CTNND2: variants seen among roughly 807,000 people sequenced by gnomAD.
The protein encoded by CTNND2 is catenin delta 2.
Under a neutral mutation model 144.4 loss-of-function variants are expected in CTNND2, and 22 were observed. The observed-to-expected ratio is 0.15, with a 90% CI of 0.11 to 0.22. The LOEUF (loss-of-function observed/expected upper bound fraction) is 0.22. Among genes scored for constraint, CTNND2 ranks in the 10% least tolerant of loss-of-function variants. CTNND2 has a pLI of 1.00. For missense variants in CTNND2, 1,353 were observed against 1,618.8 expected (o/e 0.84, Z 2.82); for synonymous variants, 751 against 695.6 (o/e 1.08, Z -1.25).
At chr5:11,448,846 T>C in intron 3 of CTNND2, among the ~76,000 whole-genome samples, 1 of 152,094 alleles carries the variant, frequency 6.6e-6, no homozygotes, top group Middle Eastern at 3.4e-3. Flanking sequence ...TTGTGTTTTT[T>C]TTTGCTTGTT....
At chr5:11,218,446 TA>T (rs758535765) in intron 10 of CTNND2, among the ~76,000 whole-genome samples, 109 of 152,304 alleles carry the variant, frequency 7.2e-4, no homozygotes, top group African/African-American at 2.6e-3. Flanking sequence ...GATCCCTACA[TA>T]AAAGTTTTGG....
intron 3 of CTNND2, among the ~76,000 whole-genome samples, chr5:11,484,112 C>A (rs1349202164): frequency 6.6e-6 from 1 of 152,216 alleles, no homozygotes; most frequent in Admixed American, 6.5e-5. Flanking sequence ...GGCCACTCCA[C>A]ATTGCACAAA....
At chr5:11,301,699 T>C (rs1465203) in intron 9 of CTNND2, among the ~76,000 whole-genome samples, 6,896 of 152,242 alleles carry the variant, frequency 0.045, 257 homozygotes, top group Admixed American at 0.083. Flanking sequence ...AGACAGGGAA[T>C]GGGTGAAAAC....
intron 3 of CTNND2, among the ~76,000 whole-genome samples, chr5:11,544,004 CA>C (rs2150073445): frequency 6.6e-6 from 1 of 152,212 alleles, no homozygotes; most frequent in African/African-American, 2.4e-5. Flanking sequence ...CCTCAGTGAG[CA>C]GGCTGTCATT....
At chr5:11,541,291 G>A (rs1774710883) in intron 3 of CTNND2, among the ~76,000 whole-genome samples, 1 of 152,180 alleles carries the variant, frequency 6.6e-6, no homozygotes, top group African/African-American at 2.4e-5. Context: ...GGAACCACTG[G>A]TGCAAAACAC....
At position 11,170,603 on chromosome 5, in the gene CTNND2, C is replaced by T. The variant is rs905435824; in HGVS notation, c.1976-10844G>A. On this transcript the variant is annotated intron_variant, in intron 11 of 21. Transcript: ENST00000304623. ...ATACACACACACATACACACACACA[C>T]AGCTACAACCTTCTGTGGGAAGCAT... 9.2e-5 allele frequency among the ~76,000 whole-genome samples: 14 copies of T among 152,214 alleles called. No homozygotes were observed. The East Asian group carries it at 1.5e-3, about 17-fold the overall frequency.
intron 2 of CTNND2, among the ~76,000 whole-genome samples, chr5:11,672,535 A>G (rs1783929152): frequency 6.6e-6 from 1 of 152,164 alleles, no homozygotes; most frequent in Admixed American, 6.5e-5. Context: ...GGAGGGCTCC[A>G]CCTGGTTCAA....
At chr5:11,881,207 G>C (rs1363605970) in intron 1 of CTNND2, among the ~76,000 whole-genome samples, 1 of 151,860 alleles carries the variant, frequency 6.6e-6, no homozygotes, top group East Asian at 1.9e-4. Context: ...GCATACACGT[G>C]CTATTTCAAT....
intron 2 of CTNND2, among the ~76,000 whole-genome samples, chr5:11,601,347 A>G (rs537437227): frequency 1.4e-4 from 21 of 152,246 alleles, no homozygotes; most frequent in Non-Finnish European, 2.5e-4. Context: ...CTTTCTTGCA[A>G]TTCTATGGAA....
At chr5:11,094,861 T>C (rs1188930925) in intron 15 of CTNND2, among the ~76,000 whole-genome samples, 2 of 152,232 alleles carry the variant, frequency 1.3e-5, no homozygotes, top group Non-Finnish European at 2.9e-5. Context: ...GCTTCTGTTA[T>C]GCTGACTTTG....
At chr5:11,530,516 A>T (rs1247896248) in intron 3 of CTNND2, among the ~76,000 whole-genome samples, 1 of 152,138 alleles carries the variant, frequency 6.6e-6, no homozygotes, top group Non-Finnish European at 1.5e-5. Flanking sequence ...TGGATGCAGC[A>T]GTGTTTTGGG....
At chr5:11,367,343 T>TGTGTTCAACC (rs1161530696) in intron 7 of CTNND2, among the ~76,000 whole-genome samples, 1 of 152,222 alleles carries the variant, frequency 6.6e-6, no homozygotes, top group African/African-American at 2.4e-5. Flanking sequence ...CTGGAATTCA[T>TGTGTTCAACC]GTGTTCAACC....
intron 11 of CTNND2, among the ~76,000 whole-genome samples, chr5:11,190,293 G>A (rs1268920720): frequency 6.6e-6 from 1 of 152,188 alleles, no homozygotes; most frequent in Non-Finnish European, 1.5e-5. Context: ...CTTGTCCAAG[G>A]CACTAGTAAG....
At chr5:11,006,969 A>G (rs1171514585) in intron 18 of CTNND2, among the ~76,000 whole-genome samples, 1 of 152,238 alleles carries the variant, frequency 6.6e-6, no homozygotes, top group African/African-American at 2.4e-5. Flanking sequence ...GAATAAATAT[A>G]TATTTCTATT....
chr5:11,785,949 C>T (rs1790805804), intron 1 of CTNND2, among the ~76,000 whole-genome samples: 1 of 152,220 alleles, frequency 6.6e-6, no homozygotes. Context: ...ACAGCCAGTG[C>T]CCGGGGCAGT....
At chr5:11,431,202 T>C (rs1038028602) in intron 3 of CTNND2, among the ~76,000 whole-genome samples, 1 of 152,168 alleles carries the variant, frequency 6.6e-6, no homozygotes, top group African/African-American at 2.4e-5. Flanking sequence ...GAGCTGGTAT[T>C]CTACGACTTA....
chr5:11,007,603 G>A (rs576001810), intron 18 of CTNND2, among the ~76,000 whole-genome samples: 3 of 152,358 alleles, frequency 2.0e-5, no homozygotes, highest in East Asian at 3.9e-4. Context: ...GTCTGAAAAC[G>A]TACAGTTCTC....
intron 3 of CTNND2, chr5:11,508,417 A>AGGTGAAGTGTTTTCCTTCTT (rs1771287009): frequency 6.6e-6 from 1 of 152,188 alleles, no homozygotes; most frequent in Non-Finnish European, 1.5e-5. Context: ...AGAGGTAGGG[A>AGGTGAAGTGTTTTCCTTCTT]GGTGAAGTGT....
At chr5:11,400,553 A>T (rs901849141) in intron 5 of CTNND2, among the ~76,000 whole-genome samples, 14 of 152,198 alleles carry the variant, frequency 9.2e-5, no homozygotes, top group Non-Finnish European at 1.9e-4. Flanking sequence ...CCATTTCCTC[A>T]TACATTGATG....
Sources: gnomAD v4.1 joint callset for allele counts (sites outside exome capture counted in the v4.1 genomes callset) on GRCh38, gnomAD v4.1.1 for gene constraint, MANE v1.5 for transcripts, NCBI Gene and HGNC (gene_info 2026-07-23, HGNC 2026-07-21) for gene names.